MORC4: variants seen among roughly 807,000 people sequenced by gnomAD.
MORC4 encodes the protein MORC family CW-type zinc finger protein 4.
Under a neutral mutation model 65.5 loss-of-function variants are expected in MORC4, and 22 were observed. The observed-to-expected ratio is 0.34, with a 90% confidence interval of 0.24 to 0.48. MORC4 has a LOEUF of 0.48. Among genes scored for constraint, MORC4 ranks in the 20% least tolerant of loss-of-function variants. MORC4 has a pLI of 0.99. For synonymous variants in MORC4, 267 were observed against 255.8 expected, an observed-to-expected ratio of 1.04 and a Z score of -0.42; for missense variants, 624 against 703.0, an observed-to-expected ratio of 0.89 and a Z score of 1.27.
In MORC4 at chrX:107,000,106, G is replaced by C. The variant is rs947023501; in HGVS notation, c.-137C>G. ...CCCTCCCTCGCTCCCACTCGCAGCT[G>C]GCGGAGGCGGAGCGCGCTCCAGCCA... On this transcript the variant is annotated 5_prime_UTR_variant, in exon 1 of 17. Coordinates refer to ENST00000355610, the MANE Select transcript of MORC4 (RefSeq NM_024657.5). 5.5e-6 allele frequency: 1 copy of C among 181,592 alleles called. No homozygotes were observed. The highest frequency in any genetic ancestry group is 3.0e-5 in the African/African-American group (1 of 32,917). The allele number at this position is 181,592 out of a possible 1,213,427, so 15.0% of individuals were successfully genotyped here. A position where few individuals can be genotyped will look rare whatever the true frequency, so the allele number is the denominator to read the frequency against.
At chrX:106,995,485 A>G (rs929940472) in intron 2 of MORC4, among the ~76,000 whole-genome samples, 1 of 112,183 alleles carries the variant, frequency 8.9e-6, no homozygotes, top group Non-Finnish European at 1.9e-5. Context: ...AGAAGTTAGA[A>G]CATTCCACAT....
At chrX:106,958,091 CAA>C (rs904630061) in intron 11 of MORC4, among the ~76,000 whole-genome samples, 1 of 111,746 alleles carries the variant, frequency 8.9e-6, no homozygotes, top group Non-Finnish European at 1.9e-5. Context: ...ATGACACTAT[CAA>C]AGTCATGGAC....
intron 6 of MORC4, 27 bp downstream of exon 6, chrX:106,981,318 C>A: frequency 8.6e-7 from 1 of 1,165,361 alleles, no homozygotes; most frequent in South Asian, 2.0e-5. Flanking sequence ...TCTTACCTCT[C>A]ATTGTTGAAA....
chrX:106,981,565 A>G, intron 5 of MORC4, 88 bp from the exon 6 acceptor site: 2 of 838,494 alleles, frequency 2.4e-6, no homozygotes, highest in South Asian at 2.8e-5. Context: ...AAAAAAAACA[A>G]TATGAGCCAA....
intron 10 of MORC4, among the ~76,000 whole-genome samples, chrX:106,959,210 C>T (rs1934177046): frequency 9.0e-6 from 1 of 111,640 alleles, no homozygotes; most frequent in Non-Finnish European, 1.9e-5. Flanking sequence ...TGCATACCCA[C>T]TCTGATTCCC....
At chrX:106,978,643 T>C (rs868480542) in intron 7 of MORC4, among the ~76,000 whole-genome samples, 2 of 108,714 alleles carry the variant, frequency 1.8e-5, no homozygotes, top group Non-Finnish European at 3.9e-5. Flanking sequence ...CACACACACA[T>C]GCATAGAAAG....
At chrX:106,985,880 T>G (rs1301733736) in intron 4 of MORC4, 103 bp downstream of exon 4, 9 of 661,159 alleles carry the variant, frequency 1.4e-5, no homozygotes, top group Non-Finnish European at 1.9e-5. Context: ...GAATACCTCT[T>G]TTAAAACTTC....
At chrX:106,980,823 G>T in intron 7 of MORC4, 68 bp downstream of exon 7, 1 of 1,068,387 alleles carries the variant, frequency 9.4e-7, no homozygotes, top group Admixed American at 2.6e-5. Flanking sequence ...GTTTTTCTGT[G>T]TCAACCTGAA....
In MORC4 at chrX:106,941,371, TGAGAGAGAGAGAGAGA is replaced by T. The variant is rs58310740; in HGVS notation, c.*92_*107del. 2.0e-4 allele frequency: 80 copies of T among 395,762 alleles called. No individual in the cohort carries two copies. The highest frequency in any genetic ancestry group is 5.4e-4 in the Middle Eastern group (1 of 1,865). 32.6% of individuals were successfully genotyped at this position (395,762 alleles called of 1,213,427 possible). A position where few individuals can be genotyped will look rare whatever the true frequency, so the allele number is the denominator to read the frequency against. ...TCTATATAAGGCATAAAGGTGAGGG[TGAGAGAGAGAGAGAGA>T]GAGAGAGAGAGAGAGAGAGAGAGAC... On this transcript the variant is annotated 3_prime_UTR_variant, in exon 17 of 17. Transcript: ENST00000355610.
At chrX:106,948,789 G>A (rs942289496) in intron 14 of MORC4, among the ~76,000 whole-genome samples, 1 of 111,233 alleles carries the variant, frequency 9.0e-6, no homozygotes, top group Non-Finnish European at 1.9e-5. Context: ...TTTCTCATGA[G>A]AAGTCATCAA....
chrX:106,953,629 T>C (rs1409838235), intron 14 of MORC4, among the ~76,000 whole-genome samples: 3 of 111,486 alleles, frequency 2.7e-5, no homozygotes, highest in Admixed American at 9.5e-5. Context: ...GTACCTACTA[T>C]ATTCCAAGGC....
chrX:106,999,781 A>C, intron 1 of MORC4, 32 bp from the exon 2 acceptor site: 1 of 1,034,000 alleles, frequency 9.7e-7, no homozygotes, highest in Non-Finnish European at 1.2e-6. Flanking sequence ...GACCCGCGTG[A>C]GGCCTCGGCC....
intron 2 of MORC4, 48 bp downstream of exon 2, chrX:106,999,629 G>A (rs1013128146): frequency 3.1e-5 from 34 of 1,092,467 alleles, no homozygotes; most frequent in Middle Eastern, 2.9e-4. Flanking sequence ...CACCACGCTG[G>A]CACCACTGCC....
At chrX:106,979,916 T>C (rs1934705468) in intron 7 of MORC4, among the ~76,000 whole-genome samples, 1 of 110,643 alleles carries the variant, frequency 9.0e-6, no homozygotes, top group Non-Finnish European at 1.9e-5. Context: ...CTTTATTAAA[T>C]TGATTTGTTT....
At chrX:106,957,643 T>C (rs1025656853) in intron 11 of MORC4, among the ~76,000 whole-genome samples, 12 of 111,855 alleles carry the variant, frequency 1.1e-4, no homozygotes, top group Admixed American at 1.9e-4. Flanking sequence ...TAAAAACTTT[T>C]AAAGTTAATG....
chrX:106,959,332 C>T (rs1009658794), intron 10 of MORC4, among the ~76,000 whole-genome samples: 1 of 110,965 alleles, frequency 9.0e-6, no homozygotes, highest in South Asian at 3.8e-4. Flanking sequence ...AGAATGAAGG[C>T]GGCTGGAGAA....
At position 106,951,664 on chromosome X, in the gene MORC4, C is replaced by T. The variant is rs142475259; in HGVS notation, c.1685+3249G>A. Among the ~76,000 whole-genome samples the T allele has an allele frequency of 7.0e-3, 781 of 111,247 alleles. 6 individuals carry two copies. Among genetic ancestry groups the T allele is most frequent in the African/African-American group, 0.024 (740 of 30,628 alleles). On this transcript the variant is annotated intron_variant, in intron 14 of 16. Coordinates refer to ENST00000355610, the MANE Select transcript of MORC4 (RefSeq NM_024657.5). ...TATAAGAGGCGTGAGGTACTGCACCCGGCCACTTTAAATCTTATTTTGTAT... is the reference window on the plus strand; with the variant it reads ...TATAAGAGGCGTGAGGTACTGCACCTGGCCACTTTAAATCTTATTTTGTAT...
intron 9 of MORC4, among the ~76,000 whole-genome samples, chrX:106,967,083 G>A (rs191125198): frequency 9.0e-6 from 1 of 111,335 alleles, no homozygotes; most frequent in African/African-American, 3.3e-5. Context: ...ACAGGCAGGT[G>A]CCCCTCTGGG....
At chrX:106,959,083 A>G (rs1370306936) in intron 10 of MORC4, among the ~76,000 whole-genome samples, 1 of 112,084 alleles carries the variant, frequency 8.9e-6, no homozygotes, top group East Asian at 2.8e-4. Flanking sequence ...TGATATTCCC[A>G]AAGTTAATCT....
Sources: allele counts gnomAD v4.1 joint callset (sites outside exome capture counted in the v4.1 genomes callset), GRCh38; gene constraint gnomAD v4.1.1; transcripts MANE v1.5; gene names NCBI Gene and HGNC (gene_info 2026-07-23, HGNC 2026-07-21).